The following HIVEP1 variants were observed in gnomAD, a reference collection of about 807,000 sequenced individuals.
HIVEP1 encodes the protein zinc finger protein 40.
A neutral mutation model predicts 180.0 loss-of-function variants in HIVEP1; 36 were observed. The observed-to-expected ratio is 0.20, with a 90% CI of 0.15 to 0.26. HIVEP1 has a LOEUF of 0.26. Among genes scored for constraint, HIVEP1 ranks in the 10% least tolerant of loss-of-function variants. The probability of loss-of-function intolerance (pLI) is 1.00; values close to 1 mark genes in which losing one functional copy is unlikely to be tolerated. For synonymous variants in HIVEP1, 1,239 were observed against 1,239.0 expected, an observed-to-expected ratio of 1.00 and a Z score of 0.00; for missense variants, 3,143 against 3,268.7, an observed-to-expected ratio of 0.96 and a Z score of 0.94.
At chr6:12,021,850 A>C (rs1452007041) in intron 2 of HIVEP1, among the ~76,000 whole-genome samples, 3 of 152,062 alleles carry the variant, frequency 2.0e-5, no homozygotes, top group African/African-American at 4.8e-5. Flanking sequence ...TTTTTAGTAG[A>C]GACTGGGTTT....
intron 7 of HIVEP1, among the ~76,000 whole-genome samples, chr6:12,139,784 A>T (rs114813785): frequency 0.021 from 3,249 of 152,332 alleles, 127 homozygotes; most frequent in African/African-American, 0.074. Context: ...TGGCAGAGGG[A>T]GTGGCATCTG....
chr6:12,171,355 A>G, the HIVEP1 span, among the ~76,000 whole-genome samples: 1 of 152,100 alleles, frequency 6.6e-6, no homozygotes, highest in African/African-American at 2.4e-5. Context: ...CCCAGCCAGA[A>G]ATCCATGATT....
chr6:12,197,261 T>A, the HIVEP1 span, among the ~76,000 whole-genome samples: 1 of 151,888 alleles, frequency 6.6e-6, no homozygotes, highest in African/African-American at 2.4e-5. Flanking sequence ...CATTTTGACA[T>A]GGGAAAAGTG....
chr6:12,081,367 A>G (rs1772776968), intron 2 of HIVEP1, among the ~76,000 whole-genome samples: 4 of 152,104 alleles, frequency 2.6e-5, no homozygotes, highest in Non-Finnish European at 4.4e-5. Flanking sequence ...TAGTCTCTGT[A>G]GCCCCTTACA....
At chr6:12,027,332 G>A (rs1220421832) in intron 2 of HIVEP1, among the ~76,000 whole-genome samples, 1 of 152,184 alleles carries the variant, frequency 6.6e-6, no homozygotes, top group Non-Finnish European at 1.5e-5. Flanking sequence ...AAGCATAAGG[G>A]AATTCACATT....
intron 3 of HIVEP1, among the ~76,000 whole-genome samples, chr6:12,114,877 A>G (rs1775122324): frequency 6.6e-6 from 1 of 152,186 alleles, no homozygotes; most frequent in Admixed American, 6.5e-5. Context: ...AGCCTTCTGA[A>G]TGGCCTCCTG....
chr6:12,208,859 C>T, the HIVEP1 span, among the ~76,000 whole-genome samples: 1 of 151,322 alleles, frequency 6.6e-6, no homozygotes, highest in Middle Eastern at 3.4e-3. Flanking sequence ...TAAGGTGCAC[C>T]ATCTGTGATG....
intron 2 of HIVEP1, among the ~76,000 whole-genome samples, chr6:12,024,877 A>G (rs1202635070): frequency 6.6e-6 from 1 of 152,184 alleles, no homozygotes; most frequent in Non-Finnish European, 1.5e-5. Flanking sequence ...GGAAGGATGG[A>G]CCTTGGAGGT....
Position 12,125,263 on chromosome 6 carries a change from T to C in HIVEP1, c.5468T>C (p.Ile1823Thr). The C allele has an allele frequency of 6.2e-7, 1 of 1,614,162 alleles. No homozygotes were observed. The highest frequency in any genetic ancestry group is 8.5e-7 in the Non-Finnish European group (1 of 1,180,012). Reference sequence around the variant, plus strand: ...AAGGATGTTTTTTCTCAACCTGAAATTAGTAATGAGGCTGTTAATTTGACA... The same window carrying C: ...AAGGATGTTTTTTCTCAACCTGAAACTAGTAATGAGGCTGTTAATTTGACA... ...LEKDVFSQPEISNEAVNLTNV... is the reference protein window; with the variant it reads ...LEKDVFSQPETSNEAVNLTNV... Residue 1823 changes from isoleucine to threonine, a missense_variant, in exon 4 of 9, where the codon ATT (isoleucine) becomes ACT (threonine). This residue lies in a region of HIVEP1 where 1,357 missense variants were observed against 1,260.5 expected (regional missense o/e 1.08). Coordinates refer to ENST00000379388, the MANE Select transcript of HIVEP1 (RefSeq NM_002114.4).
the HIVEP1 span, among the ~76,000 whole-genome samples, chr6:12,170,379 A>C: frequency 6.6e-6 from 1 of 152,148 alleles, no homozygotes; most frequent in Non-Finnish European, 1.5e-5. Flanking sequence ...ACAGTGGATG[A>C]GACAGAACAG....
intron 1 of HIVEP1, among the ~76,000 whole-genome samples, chr6:12,015,102 A>G (rs906592810): frequency 2.0e-5 from 3 of 152,218 alleles, no homozygotes; most frequent in Non-Finnish European, 4.4e-5. Flanking sequence ...AGAGGTCTGG[A>G]ATAACTGGAG....
chr6:12,141,378 A>G (rs1759015602), intron 7 of HIVEP1, among the ~76,000 whole-genome samples: 1 of 152,134 alleles, frequency 6.6e-6, no homozygotes, highest in Admixed American at 6.5e-5. Context: ...GAAGCACTAA[A>G]CATGGAAAGG....
rs35419506 is a variant in HIVEP1 at position 12,164,292 on chromosome 6, C to T, written c.7988C>T (p.Pro2663Leu). The T allele has an allele frequency of 7.6e-5, 122 of 1,614,088 alleles. No homozygotes were observed. The African/African-American group carries it at 1.4e-3, about 19-fold the overall frequency. The change falls in exon 9 of 9, where the codon CCT becomes CTT. Residue 2663 changes from proline to leucine, a missense_variant. Physicochemically the swap from Pro to Leu is moderately conservative, Grantham distance 98 (BLOSUM62 -3). Around this residue, in one of 12 missense-constraint regions of HIVEP1, gnomAD observed 595 missense variants for 602.2 expected, o/e 0.99. Transcript: ENST00000379388. ...GGCCAACCAGCGTCCACGTCACAAC[C>T]TCTGCTGAAGGCACATTCTGAAGTT... is the stretch of plus-strand genomic sequence containing the variant. ...IQGQPASTSQPLLKAHSEVFT... is the reference protein window; with the variant it reads ...IQGQPASTSQLLLKAHSEVFT...
chr6:12,152,683 T>C (rs1033362555), intron 7 of HIVEP1, among the ~76,000 whole-genome samples: 1 of 152,202 alleles, frequency 6.6e-6, no homozygotes, highest in African/African-American at 2.4e-5. Flanking sequence ...TCAGATACTA[T>C]GTATTCAGAG....
intron 3 of HIVEP1, among the ~76,000 whole-genome samples, chr6:12,092,387 C>T (rs907084043): frequency 6.6e-6 from 1 of 152,146 alleles, no homozygotes; most frequent in African/African-American, 2.4e-5. Flanking sequence ...CATGCCGTTG[C>T]ACATAGCTGT....
At chr6:12,143,931 G>T (rs1378193591) in intron 7 of HIVEP1, among the ~76,000 whole-genome samples, 1 of 152,138 alleles carries the variant, frequency 6.6e-6, no homozygotes, top group African/African-American at 2.4e-5. Flanking sequence ...TGGATAGGAA[G>T]AATCAACAAC....
the HIVEP1 span, among the ~76,000 whole-genome samples, chr6:12,188,899 G>A: frequency 6.6e-6 from 1 of 151,886 alleles, no homozygotes; most frequent in African/African-American, 2.4e-5. Context: ...AATAAATTCT[G>A]AAGAAAGATT....
chr6:12,058,431 CT>C (rs1203905654), intron 2 of HIVEP1, among the ~76,000 whole-genome samples: 2 of 152,090 alleles, frequency 1.3e-5, no homozygotes, highest in Non-Finnish European at 2.9e-5. Context: ...GAAGTTGACT[CT>C]TAAAATCCTA....
the HIVEP1 span, among the ~76,000 whole-genome samples, chr6:12,197,754 G>A: frequency 1.3e-5 from 2 of 152,166 alleles, no homozygotes; most frequent in African/African-American, 4.8e-5. Context: ...GATCACTTGT[G>A]GCAGCCATAA....
Sources: allele counts gnomAD v4.1 joint callset (sites outside exome capture counted in the v4.1 genomes callset), GRCh38; gene constraint gnomAD v4.1.1; regional missense constraint gnomAD v4.1.1; transcripts MANE v1.5; gene names NCBI Gene and HGNC (gene_info 2026-07-23, HGNC 2026-07-21).